GGTA1: variants seen among roughly 807,000 people sequenced by gnomAD.
The protein encoded by GGTA1 is glycoprotein alpha-galactosyltransferase 1 (inactive).
GGTA1 carries 5 observed loss-of-function variants against 2.6 expected under a neutral mutation model. The ratio of observed to expected loss-of-function variants is 1.92; its 90% CI spans 1.00 to 4.04. GGTA1 has a LOEUF of 4.04. Ranked by LOEUF, GGTA1 falls within the 30% of genes most tolerant of loss-of-function variation. The pLI, the probability that GGTA1 is intolerant of heterozygous loss-of-function variation, is 0.00. For missense variants in GGTA1, 50 were observed against 16.7 expected (o/e 2.99, Z -3.47); for synonymous variants, 17 against 5.0 (o/e 3.38, Z -3.19).
intron 1 of GGTA1, among the ~76,000 whole-genome samples, chr9:121,486,922 C>A (rs2118754662): frequency 6.6e-6 from 1 of 152,296 alleles, no homozygotes; most frequent in East Asian, 1.9e-4. Flanking sequence ...GTGAGCAGAA[C>A]TCAGGTACCC....
intron 1 of GGTA1, among the ~76,000 whole-genome samples, chr9:121,469,852 G>C (rs1828350586): frequency 6.6e-6 from 1 of 152,138 alleles, no homozygotes; most frequent in Non-Finnish European, 1.5e-5. Flanking sequence ...CATCCCATCA[G>C]GGCCAGGTAC....
At chr9:121,477,573 C>CTT (rs34446366) in intron 1 of GGTA1, among the ~76,000 whole-genome samples, 1,199 of 101,484 alleles carry the variant, frequency 0.012, 86 homozygotes, top group African/African-American at 0.015. Context: ...TGCAACCTTG[C>CTT]TTTTTTTTTT....
chr9:121,480,640 G>A (rs189722047), intron 1 of GGTA1, among the ~76,000 whole-genome samples: 14 of 152,200 alleles, frequency 9.2e-5, no homozygotes, highest in African/African-American at 2.9e-4. Flanking sequence ...TCTTCCTCCC[G>A]TTCCCCAGAA....
chr9:121,466,718 C>T (rs557375105), intron 2 of GGTA1, among the ~76,000 whole-genome samples: 119 of 152,024 alleles, frequency 7.8e-4, no homozygotes, highest in African/African-American at 2.7e-3. Flanking sequence ...TTTGGGAGGC[C>T]GAGGCAGGTG....
chr9:121,478,442 A>G (rs1287371231), intron 1 of GGTA1, among the ~76,000 whole-genome samples: 1 of 152,208 alleles, frequency 6.6e-6, no homozygotes, highest in East Asian at 1.9e-4. Flanking sequence ...GGGCATGCCC[A>G]GAAGTCTTGG....
chr9:121,456,614 G>T (rs1054952568), intron 5 of GGTA1, among the ~76,000 whole-genome samples: 3 of 151,840 alleles, frequency 2.0e-5, no homozygotes, highest in African/African-American at 7.3e-5. Context: ...ACTGGGTTTG[G>T]CACGTTGGTC....
intron 4 of GGTA1, 32 bp downstream of exon 4, chr9:121,461,220 G>C (rs2064958308): frequency 2.2e-6 from 1 of 453,904 alleles, no homozygotes; most frequent in Non-Finnish European, 4.4e-6. Flanking sequence ...CAGGCGGGTG[G>C]GCAAACACCG....
intron 7 of GGTA1, among the ~76,000 whole-genome samples, chr9:121,449,579 C>T (rs1001955757): frequency 1.3e-5 from 2 of 152,166 alleles, no homozygotes; most frequent in Non-Finnish European, 2.9e-5. Flanking sequence ...CGGTGGCTCA[C>T]GCCTGTAATC....
At chr9:121,488,658 A>G (rs531657814) in intron 1 of GGTA1, among the ~76,000 whole-genome samples, 3 of 152,334 alleles carry the variant, frequency 2.0e-5, no homozygotes, top group East Asian at 1.9e-4. Flanking sequence ...CGGAAGTTGC[A>G]GTGAGCCAAG....
intron 1 of GGTA1, among the ~76,000 whole-genome samples, chr9:121,492,335 G>A (rs529031122): frequency 3.3e-5 from 5 of 152,254 alleles, no homozygotes; most frequent in African/African-American, 9.6e-5. Context: ...TTTGGCTGAT[G>A]GGGAAACGGT....
At chr9:121,492,899 T>C (rs1245425572) in intron 1 of GGTA1, among the ~76,000 whole-genome samples, 2 of 151,898 alleles carry the variant, frequency 1.3e-5, no homozygotes, top group Admixed American at 6.6e-5. Context: ...ATCCCAGCAC[T>C]TTAGGAGGCC....
At chr9:121,474,931 G>T (rs1292849841) in intron 1 of GGTA1, among the ~76,000 whole-genome samples, 1 of 152,118 alleles carries the variant, frequency 6.6e-6, no homozygotes, top group African/African-American at 2.4e-5. Flanking sequence ...TCAGGCTATT[G>T]TGATGGGTCC....
chr9:121,499,749 G>T lies in GGTA1; in HGVS notation c.-109C>A, dbSNP rs1829066829. The T allele has an allele frequency of 6.6e-6, 1 of 151,972 alleles. No homozygotes were observed. Among genetic ancestry groups the T allele is most frequent in the African/African-American group, 2.4e-5 (1 of 41,384 alleles). 9.4% of individuals were successfully genotyped at this position (151,972 alleles called of 1,614,324 possible). A position where few individuals can be genotyped will look rare whatever the true frequency, so the allele number is the denominator to read the frequency against. ...GCCCCGGCGAAGCCCTACGCGCTCT[G>T]ATCAGCCACCGCGCCGCCTCCGCCC... On this transcript the variant is annotated 5_prime_UTR_variant, in exon 1 of 6. Coordinates refer to ENST00000481799, the MANE Select transcript of GGTA1 (RefSeq NM_001382585.1).
chr9:121,451,474 C>T (rs1231032765), downstream of GGTA1, among the ~76,000 whole-genome samples: 5 of 152,124 alleles, frequency 3.3e-5, no homozygotes, highest in Admixed American at 6.6e-5. Flanking sequence ...TGTGAGCCAC[C>T]GCACCTGGCC....
At chr9:121,449,934 A>G (rs1020403060) in intron 7 of GGTA1, among the ~76,000 whole-genome samples, 1 of 152,066 alleles carries the variant, frequency 6.6e-6, no homozygotes, top group Non-Finnish European at 1.5e-5. Context: ...TTGTGAAGCT[A>G]TGCTATGGAG....
At chr9:121,493,200 A>C (rs534424725) in intron 1 of GGTA1, among the ~76,000 whole-genome samples, 1 of 151,178 alleles carries the variant, frequency 6.6e-6, no homozygotes, top group African/African-American at 2.4e-5. Context: ...AGCCTCTTCC[A>C]TTTCCTGCTT....
At chr9:121,496,437 A>G (rs935540319) in intron 1 of GGTA1, among the ~76,000 whole-genome samples, 7 of 151,986 alleles carry the variant, frequency 4.6e-5, no homozygotes, top group African/African-American at 1.5e-4. Flanking sequence ...CAATCGTAAA[A>G]AATAGAAGGT....
At chr9:121,448,029 C>G (rs1045112074) in intron 7 of GGTA1, among the ~76,000 whole-genome samples, 8 of 152,170 alleles carry the variant, frequency 5.3e-5, no homozygotes, top group Non-Finnish European at 1.2e-4. Flanking sequence ...CATCCAGAGG[C>G]CTGTAGGTGC....
chr9:121,453,961 C>T (rs921364799), downstream of GGTA1, among the ~76,000 whole-genome samples: 1 of 152,062 alleles, frequency 6.6e-6, no homozygotes, highest in African/African-American at 2.4e-5. Context: ...CTCTGCCCTC[C>T]CACCCCAGCC....
Sources: allele counts gnomAD v4.1 joint callset (sites outside exome capture counted in the v4.1 genomes callset), GRCh38; gene constraint gnomAD v4.1.1; transcripts MANE v1.5; gene names NCBI Gene and HGNC (gene_info 2026-07-23, HGNC 2026-07-21).